The following PCCA variants were observed in gnomAD, a reference collection of about 807,000 sequenced individuals.
PCCA encodes the protein propionyl-CoA carboxylase subunit alpha, also known as propionyl-CoA carboxylase alpha chain, mitochondrial.
Under a neutral mutation model 101.3 loss-of-function variants are expected in PCCA, and 74 were observed. The observed-to-expected ratio is 0.73, with a 90% CI of 0.61 to 0.89. The LOEUF (loss-of-function observed/expected upper bound fraction) is 0.89, where lower values mean the gene tolerates loss of function less well. Ranked by LOEUF, PCCA falls within the 40% of genes least tolerant of loss-of-function variation. The probability of loss-of-function intolerance (pLI) is 0.00; values close to 1 mark genes in which losing one functional copy is unlikely to be tolerated. For missense variants in PCCA, 891 were observed against 907.0 expected, an observed-to-expected ratio of 0.98 and a Z score of 0.23; for synonymous variants, 294 against 313.6, an observed-to-expected ratio of 0.94 and a Z score of 0.66.
intron 21 of PCCA, among the ~76,000 whole-genome samples, chr13:100,478,616 G>A (rs917769612): frequency 2.6e-5 from 4 of 152,196 alleles, no homozygotes; most frequent in African/African-American, 9.6e-5. Flanking sequence ...TGATGAGGAG[G>A]AAATTGCCTG....
chr13:100,098,613 A>G (rs1386331544), intron 1 of PCCA, among the ~76,000 whole-genome samples: 1 of 152,154 alleles, frequency 6.6e-6, no homozygotes, highest in Non-Finnish European at 1.5e-5. Flanking sequence ...CAGCAGTTAG[A>G]GAGGATCTGA....
chr13:100,220,204 A>C (rs1169837924), intron 7 of PCCA, among the ~76,000 whole-genome samples: 1 of 152,128 alleles, frequency 6.6e-6, no homozygotes, highest in African/African-American at 2.4e-5. Context: ...TTTCACAGGA[A>C]AGATTTTGGT....
chr13:100,375,359 G>C lies in PCCA; in HGVS notation c.1746+6785G>C, dbSNP rs1381741817. Among the ~76,000 whole-genome samples the C allele has an allele frequency of 2.0e-5, 3 of 152,186 alleles. No homozygotes were observed. In the East Asian group the frequency reaches 5.8e-4, roughly 29 times the overall value. On this transcript the variant is annotated intron_variant, in intron 19 of 23. Transcript: ENST00000376285. ...GTATATTCTGTTGATTTGGGGTGTA[G>C]AGTTCTGTAGATGTCTGTTAGGTCT...
Position 100,090,131 on chromosome 13 carries a change from A to G in PCCA, c.105+906A>G, listed in dbSNP as rs376753250. On this transcript the variant is annotated intron_variant, in intron 1 of 23. Coordinates refer to ENST00000376285, the MANE Select transcript of PCCA (RefSeq NM_000282.4). ...AAAATAATTATTAAAACATTGCCAC[A>G]TAACTTGATTTATAGTCATTTAATT... Among the ~76,000 whole-genome samples the G allele has an allele frequency of 1.4e-4, 21 of 152,358 alleles. No individual in the cohort carries two copies. In the East Asian group the frequency reaches 3.9e-3, roughly 28 times the overall value.
chr13:100,158,261 G>A (rs945540344), intron 6 of PCCA, among the ~76,000 whole-genome samples: 1 of 152,224 alleles, frequency 6.6e-6, no homozygotes, highest in African/African-American at 2.4e-5. Flanking sequence ...ACTGTCATAC[G>A]TGTGGTGCCT....
At chr13:100,198,953 A>T (rs2058303326) in intron 6 of PCCA, among the ~76,000 whole-genome samples, 1 of 151,096 alleles carries the variant, frequency 6.6e-6, no homozygotes, top group Non-Finnish European at 1.5e-5. Context: ...AGTCCCTGGA[A>T]GAGGCTGGCA....
At chr13:100,242,197 T>A (rs775856699) in intron 8 of PCCA, among the ~76,000 whole-genome samples, 1 of 152,020 alleles carries the variant, frequency 6.6e-6, no homozygotes, top group Admixed American at 6.6e-5. Context: ...GAGACACAAA[T>A]AGGTTGAAAG....
At chr13:100,281,432 A>G (rs564767813) in intron 12 of PCCA, among the ~76,000 whole-genome samples, 10 of 152,374 alleles carry the variant, frequency 6.6e-5, no homozygotes, top group South Asian at 4.1e-4. Flanking sequence ...ATTGACAGCA[A>G]TCATGTTCTA....
rs182868502 is a variant in PCCA at position 100,209,493 on chromosome 13, A to G, written c.600+30A>G. The G allele has an allele frequency of 1.4e-5, 23 of 1,592,124 alleles. No individual in the cohort carries two copies. In the East Asian group the frequency reaches 2.0e-4, roughly 14 times the overall value. On this transcript the variant is annotated intron_variant, in intron 7 of 23. Coordinates refer to ENST00000376285, the MANE Select transcript of PCCA (RefSeq NM_000282.4). Reference sequence around the variant, plus strand: ...GAAGCTACTTTAACTTTTATTGTATATGTCTTCAAGTTAAACATTTTGTCA... The same window carrying G: ...GAAGCTACTTTAACTTTTATTGTATGTGTCTTCAAGTTAAACATTTTGTCA...
At chr13:100,372,325 C>G (rs1051370491) in intron 19 of PCCA, among the ~76,000 whole-genome samples, 1 of 151,986 alleles carries the variant, frequency 6.6e-6, no homozygotes, top group African/African-American at 2.4e-5. Flanking sequence ...GCACTCCATT[C>G]TAGGTGACAG....
intron 15 of PCCA, among the ~76,000 whole-genome samples, chr13:100,309,270 G>A (rs760462322): frequency 6.6e-6 from 1 of 152,132 alleles, no homozygotes; most frequent in Non-Finnish European, 1.5e-5. Context: ...GGTGACACAC[G>A]CCTGAAATCC....
At chr13:100,303,081 A>C (rs1009222366) in intron 14 of PCCA, 83 bp downstream of exon 14, 2 of 839,626 alleles carry the variant, frequency 2.4e-6, no homozygotes, top group Non-Finnish European at 4.2e-6. Flanking sequence ...TGTCAACACC[A>C]AAGGGTGTAA....
chr13:100,280,754 A>G (rs1389792170), intron 12 of PCCA, among the ~76,000 whole-genome samples: 2 of 150,896 alleles, frequency 1.3e-5, no homozygotes, highest in African/African-American at 5.0e-5. Context: ...GGAAAACTTT[A>G]GAAATAAACA....
chr13:100,328,077 C>G (rs2068908252), intron 16 of PCCA, among the ~76,000 whole-genome samples: 1 of 152,024 alleles, frequency 6.6e-6, no homozygotes, highest in Non-Finnish European at 1.5e-5. Flanking sequence ...TAAAAATTAG[C>G]TGGGTGGCCG....
chr13:100,335,323 G>A (rs1309584251), intron 17 of PCCA, among the ~76,000 whole-genome samples: 2 of 151,980 alleles, frequency 1.3e-5, no homozygotes, highest in Non-Finnish European at 2.9e-5. Context: ...GTTTTTTAAA[G>A]ACACAAGCCC....
intron 8 of PCCA, among the ~76,000 whole-genome samples, chr13:100,253,176 A>G (rs370238101): frequency 1.3e-5 from 2 of 152,310 alleles, no homozygotes; most frequent in African/African-American, 4.8e-5. Flanking sequence ...TTATATTAAT[A>G]TGTGTATATA....
chr13:100,189,032 C>T (rs1381714732), intron 6 of PCCA, among the ~76,000 whole-genome samples: 1 of 152,112 alleles, frequency 6.6e-6, no homozygotes, highest in Non-Finnish European at 1.5e-5. Flanking sequence ...TCCTATCCAT[C>T]TCCTAGCCCC....
intron 18 of PCCA, among the ~76,000 whole-genome samples, chr13:100,348,752 CT>C (rs1370630250): frequency 3.7e-5 from 2 of 54,542 alleles, no homozygotes; most frequent in African/African-American, 7.5e-5. Flanking sequence ...TTCTTTCTTT[CT>C]TTCTTTCTTT....
chr13:100,445,264 C>T lies in PCCA; in HGVS notation c.1846-3988C>T, dbSNP rs1007719356. On this transcript the variant is annotated intron_variant, in intron 20 of 23. Transcript: ENST00000376285. Reference sequence around the variant, plus strand: ...CACCCCCATTATGCCCCACCTCCAACACTGGGGATCACATTTCAACATGAG... The same window carrying T: ...CACCCCCATTATGCCCCACCTCCAATACTGGGGATCACATTTCAACATGAG... 2.0e-5 allele frequency among the ~76,000 whole-genome samples: 3 copies of T among 152,214 alleles called. 1 individual carries two copies. The highest frequency in any genetic ancestry group is 4.4e-5 in the Non-Finnish European group (3 of 68,044).
Sources: allele counts gnomAD v4.1 joint callset (sites outside exome capture counted in the v4.1 genomes callset), GRCh38; gene constraint gnomAD v4.1.1; transcripts MANE v1.5; gene names NCBI Gene and HGNC (gene_info 2026-07-23, HGNC 2026-07-21).